Variants in PMM1 observed in about 807,000 individuals in gnomAD.
PMM1 encodes brain glucose-1,6-bisphosphatase.
A neutral mutation model predicts 34.0 loss-of-function variants in PMM1; 25 were observed. That is an observed-to-expected ratio of 0.73 (90% CI 0.54 to 1.03). The LOEUF (loss-of-function observed/expected upper bound fraction) is 1.03, where lower values mean the gene tolerates loss of function less well. PMM1 is among the 50% of genes least tolerant of loss of function. The pLI is 0.00. For synonymous variants in PMM1, 134 were observed against 143.9 expected (o/e 0.93, Z 0.49); for missense variants, 321 against 350.1 (o/e 0.92, Z 0.66).
intron 7 of PMM1, 151 bp from the exon 8 acceptor site, chr22:41,577,591 G>T: frequency 1.0e-6 from 1 of 962,816 alleles, no homozygotes; most frequent in Non-Finnish European, 1.6e-6. Flanking sequence ...CTTGCTGTGT[G>T]ATGTAGAACA....
Position 41,584,510 on chromosome 22 carries a change from C to T in PMM1, c.282+17G>A. The T allele has an allele frequency of 6.2e-7, 1 of 1,607,034 alleles. No individual in the cohort carries two copies. The highest frequency in any genetic ancestry group is 8.5e-7 in the Non-Finnish European group (1 of 1,174,016). ...GAAAAGTGGGGTGCCCCTGGCTAAG[C>T]CCTGGGGGACACTGACCTGCTTGGA... On this transcript the variant is annotated intron_variant, in intron 3 of 7. Coordinates refer to ENST00000216259, the MANE Select transcript of PMM1 (RefSeq NM_002676.3).
chr22:41,577,817 C>G lies in PMM1; in HGVS notation c.657G>C (p.Glu219Asp). ...SFDTIHFFGN[E>D]TSPGGNDFEI... ...GGTGGGCCACACTCACAGGGCTAGTCTCGTTCCCAAAGAAGTGGATGGTGT... is the reference window on the plus strand; with the variant it reads ...GGTGGGCCACACTCACAGGGCTAGTGTCGTTCCCAAAGAAGTGGATGGTGT... The change falls in exon 7 of 8, where the codon GAG becomes GAC. Residue 219 changes from glutamate to aspartate, a missense_variant. By Grantham distance (45) the Glu-to-Asp change is conservative (BLOSUM62 2). Transcript: ENST00000216259. The G allele has an allele frequency of 1.2e-6, 2 of 1,612,830 alleles. No individual in the cohort carries two copies. The highest frequency in any genetic ancestry group is 1.7e-6 in the Non-Finnish European group (2 of 1,179,308).
chr22:41,581,688 T>C (rs1305708558), intron 5 of PMM1, among the ~76,000 whole-genome samples: 1 of 151,992 alleles, frequency 6.6e-6, no homozygotes, highest in Non-Finnish European at 1.5e-5. Flanking sequence ...ACCCCATCTC[T>C]ACTAAAATAC....
Position 41,577,136 on chromosome 22 carries a change from G to GT in PMM1, c.*181dup. On this transcript the variant is annotated 3_prime_UTR_variant, in exon 8 of 8. Coordinates refer to ENST00000216259, the MANE Select transcript of PMM1 (RefSeq NM_002676.3). ...TCTGGGCCCTGGGAGGACGAAGCCA[G>GT]TGCCACTAGGAGCAGACTGGCTGGG... The GT allele has an allele frequency of 1.3e-6, 1 of 767,962 alleles. No individual in the cohort carries two copies. Among genetic ancestry groups the GT allele is most frequent in the Non-Finnish European group, 2.2e-6 (1 of 462,428 alleles). The allele number at this position is 767,962 out of a possible 1,614,324, so 47.6% of individuals were successfully genotyped here.
chr22:41,588,938 C>G, intron 1 of PMM1: 1 of 1,147,756 alleles, frequency 8.7e-7, no homozygotes, highest in African/African-American at 1.6e-5. Context: ...ATGCATCCAG[C>G]TGGTGAGGGG....
chr22:41,580,077 C>T (rs1368167959), intron 5 of PMM1: 1 of 152,370 alleles, frequency 6.6e-6, no homozygotes, highest in Admixed American at 6.5e-5. Context: ...GCCCCAGGCT[C>T]TGAAGAAATG....
Sources: allele counts gnomAD v4.1 joint callset (sites outside exome capture counted in the v4.1 genomes callset), GRCh38; gene constraint gnomAD v4.1.1; transcripts MANE v1.5; gene names NCBI Gene and HGNC (gene_info 2026-07-23, HGNC 2026-07-21).